Variants in SDC2 observed in about 807,000 individuals in gnomAD.
SDC2 encodes syndecan-2.
SDC2 carries 13 observed loss-of-function variants against 22.2 expected under a neutral mutation model. The ratio of observed to expected loss-of-function variants is 0.59; its 90% confidence interval spans 0.38 to 0.93. SDC2 has a LOEUF of 0.93. SDC2 is among the 40% of genes least tolerant of loss of function. SDC2 has a pLI of 0.00. For missense variants in SDC2, 235 were observed against 246.8 expected, an observed-to-expected ratio of 0.95 and a Z score of 0.32; for synonymous variants, 94 against 92.8, an observed-to-expected ratio of 1.01 and a Z score of -0.07.
intron 1 of SDC2, among the ~76,000 whole-genome samples, chr8:96,552,062 A>G (rs1459378359): frequency 1.3e-5 from 2 of 152,178 alleles, no homozygotes; most frequent in Non-Finnish European, 2.9e-5. Context: ...TTAGTTCTGC[A>G]ACAGAACCAG....
Position 96,559,952 on chromosome 8 carries a change from CTTAA to C in SDC2, c.61-33525_61-33522del, listed in dbSNP as rs745794695. Among the ~76,000 whole-genome samples the C allele has an allele frequency of 4.3e-4, 65 of 152,294 alleles. 1 individual carries two copies. The highest frequency in any genetic ancestry group is 5.4e-4 in the Non-Finnish European group (37 of 68,030). ...AAAATATCAATAATTCATTTGCCTCCTTAATTGTCAACTGATTTTTTAATAGCTG... is the reference window on the plus strand; with the variant it reads ...AAAATATCAATAATTCATTTGCCTCCTTGTCAACTGATTTTTTAATAGCTG... On this transcript the variant is annotated intron_variant, in intron 1 of 4. Transcript: ENST00000302190.
chr8:96,593,428 G>A, intron 1 of SDC2, 52 bp from the exon 2 acceptor site: 1 of 1,197,648 alleles, frequency 8.3e-7, no homozygotes, highest in Admixed American at 1.7e-5. Context: ...AGATATACAA[G>A]TGTGTTTCTT....
chr8:96,602,594 ACAC>A lies in SDC2; in HGVS notation c.306+67_306+69del, dbSNP rs1447108767. On this transcript the variant is annotated intron_variant, in intron 3 of 4. Transcript: ENST00000302190. ...ACAAATGCTTCACTTTACTGACTGT[ACAC>A]AACAGTCCCTTTTGTATTATTTTCT... The A allele has an allele frequency of 3.4e-6, 5 of 1,491,990 alleles. No individual in the cohort carries two copies. In the Admixed American group the frequency reaches 8.7e-5, roughly 26 times the overall value. The allele number at this position is 1,491,990 out of a possible 1,614,324, so 92.4% of individuals were successfully genotyped here.
At chr8:96,586,620 C>T (rs887204422) in intron 1 of SDC2, 1 of 152,222 alleles carries the variant, frequency 6.6e-6, no homozygotes, top group Non-Finnish European at 1.5e-5. Context: ...TGGGTCATTT[C>T]AGAAGCTTCA....
intron 1 of SDC2, among the ~76,000 whole-genome samples, chr8:96,517,506 A>G (rs115148526): frequency 0.013 from 2,012 of 152,150 alleles, 51 homozygotes; most frequent in African/African-American, 0.046. Flanking sequence ...TAGTTTTTGC[A>G]TATGTTGTGG....
chr8:96,602,157 A>G (rs915588727), intron 2 of SDC2, among the ~76,000 whole-genome samples: 2 of 152,198 alleles, frequency 1.3e-5, no homozygotes, highest in African/African-American at 4.8e-5. Context: ...AAGAAGGGCT[A>G]CTTGAATGTT....
intron 1 of SDC2, among the ~76,000 whole-genome samples, chr8:96,587,775 G>C (rs1042727671): frequency 6.6e-6 from 1 of 152,070 alleles, no homozygotes; most frequent in Non-Finnish European, 1.5e-5. Flanking sequence ...GAAAATGCTG[G>C]ATTAAGCCAA....
intron 1 of SDC2, among the ~76,000 whole-genome samples, chr8:96,528,137 A>T (rs959176007): frequency 1.3e-5 from 2 of 152,178 alleles, no homozygotes; most frequent in Admixed American, 6.5e-5. Context: ...TGGGTATTTT[A>T]AAAAATCTAT....
chr8:96,611,085 A>G lies in SDC2; in HGVS notation c.*1537A>G, dbSNP rs919231299. On this transcript the variant is annotated 3_prime_UTR_variant, in exon 5 of 5. Transcript: ENST00000302190. ...ATGTCTACTGAAGCTTAACCGAAGA[A>G]CTAATAAATGGACTACAGTAGCTCA... 2.6e-5 allele frequency: 4 copies of G among 152,648 alleles called. No homozygotes were observed. Among genetic ancestry groups the G allele is most frequent in the African/African-American group, 7.2e-5 (3 of 41,444 alleles). The allele number at this position is 152,648 out of a possible 1,614,324, so 9.5% of individuals were successfully genotyped here. A position where few individuals can be genotyped will look rare whatever the true frequency, so the allele number is the denominator to read the frequency against.
At position 96,550,206 on chromosome 8, in the gene SDC2, G is replaced by A. The variant is rs114886563; in HGVS notation, c.61-43274G>A. Among the ~76,000 whole-genome samples the A allele has an allele frequency of 1.5e-3, 221 of 152,264 alleles. 1 individual carries two copies. Among genetic ancestry groups the A allele is most frequent in the African/African-American group, 5.1e-3 (211 of 41,546 alleles). On this transcript the variant is annotated intron_variant, in intron 1 of 4. Transcript: ENST00000302190. ...TCACTAGGATTTTGATTAAAATACAGTTACAGGTTGGGGTTCCAAAAATCC... is the reference window on the plus strand; with the variant it reads ...TCACTAGGATTTTGATTAAAATACAATTACAGGTTGGGGTTCCAAAAATCC...
At chr8:96,603,858 G>C (rs1346137015) in intron 3 of SDC2, among the ~76,000 whole-genome samples, 1 of 152,208 alleles carries the variant, frequency 6.6e-6, no homozygotes, top group African/African-American at 2.4e-5. Context: ...GGCAGGGAGA[G>C]CCCTATGAGA....
chr8:96,598,660 T>C (rs1290155584), intron 2 of SDC2, among the ~76,000 whole-genome samples: 1 of 151,644 alleles, frequency 6.6e-6, no homozygotes, highest in Admixed American at 6.6e-5. Flanking sequence ...AGAATGAGCA[T>C]GGGAACATAG....
chr8:96,524,832 A>G (rs1813553564), intron 1 of SDC2, among the ~76,000 whole-genome samples: 1 of 152,112 alleles, frequency 6.6e-6, no homozygotes, highest in Admixed American at 6.5e-5. Context: ...CTAATATAGT[A>G]TCATTTGTGC....
rs530053308 is a variant in SDC2 at position 96,518,522 on chromosome 8, G to A, written c.60+24191G>A. ...ACTACAGACGCCCGCCACCAGGCCC[G>A]GCTAATTTTTGTATTTTTAGTAGAG... On this transcript the variant is annotated intron_variant, in intron 1 of 4. Transcript: ENST00000302190. Among the ~76,000 whole-genome samples, 9 of 152,046 alleles carry A rather than the reference G, an allele frequency of 5.9e-5. No individual in the cohort carries two copies. In the East Asian group the frequency reaches 1.6e-3, roughly 26 times the overall value.
intron 1 of SDC2, among the ~76,000 whole-genome samples, chr8:96,497,572 A>G (rs1014116338): frequency 6.6e-6 from 1 of 152,234 alleles, no homozygotes; most frequent in Non-Finnish European, 1.5e-5. Flanking sequence ...AAGGATTTCA[A>G]AAGGTGAACT....
chr8:96,548,608 C>T (rs1813974211), intron 1 of SDC2, among the ~76,000 whole-genome samples: 1 of 152,196 alleles, frequency 6.6e-6, no homozygotes, highest in Non-Finnish European at 1.5e-5. Context: ...CACCTTTTCA[C>T]TTGTTTTAAA....
At chr8:96,558,251 G>A (rs1326891203) in intron 1 of SDC2, among the ~76,000 whole-genome samples, 1 of 152,066 alleles carries the variant, frequency 6.6e-6, no homozygotes, top group Non-Finnish European at 1.5e-5. Flanking sequence ...AAGGAGAGGG[G>A]GTTGGGGATT....
intron 2 of SDC2, among the ~76,000 whole-genome samples, chr8:96,598,636 C>T (rs988001475): frequency 1.3e-5 from 2 of 150,442 alleles, no homozygotes; most frequent in African/African-American, 4.9e-5. Flanking sequence ...AAATAAATAA[C>T]AAAAAAAAAT....
rs766097208 is a variant in SDC2 at position 96,494,116 on chromosome 8, C to G, written c.-156C>G. On this transcript the variant is annotated 5_prime_UTR_variant, in exon 1 of 5. Coordinates refer to ENST00000302190, the MANE Select transcript of SDC2 (RefSeq NM_002998.4). Reference sequence around the variant, plus strand: ...AGGCGCAGGAGGAGGAAGCGAGCGCCCCCGAGCCCCGAGCCCGAGTCCCCG... The same window carrying G: ...AGGCGCAGGAGGAGGAAGCGAGCGCGCCCGAGCCCCGAGCCCGAGTCCCCG... The G allele has an allele frequency of 2.8e-4, 190 of 678,860 alleles. No homozygotes were observed. The highest frequency in any genetic ancestry group is 3.7e-4 in the Non-Finnish European group (157 of 423,298). The allele number at this position is 678,860 out of a possible 1,614,324, so 42.1% of individuals were successfully genotyped here. A position where few individuals can be genotyped will look rare whatever the true frequency, so the allele number is the denominator to read the frequency against.
Sources: gnomAD v4.1 joint callset for allele counts (sites outside exome capture counted in the v4.1 genomes callset) on GRCh38, gnomAD v4.1.1 for gene constraint, MANE v1.5 for transcripts, NCBI Gene and HGNC (gene_info 2026-07-23, HGNC 2026-07-21) for gene names.